The following ATP2C1 variants were observed in gnomAD, a reference collection of about 807,000 sequenced individuals.
ATP2C1 encodes ATPase secretory pathway Ca2+ transporting 1.
ATP2C1 carries 31 observed loss-of-function variants against 120.5 expected under a neutral mutation model. The ratio of observed to expected loss-of-function variants is 0.26; its 90% CI spans 0.19 to 0.35. The LOEUF is 0.35. Among genes scored for constraint, ATP2C1 ranks in the 10% least tolerant of loss-of-function variants. The pLI, the probability that ATP2C1 is intolerant of heterozygous loss-of-function variation, is 1.00. For missense variants in ATP2C1, 731 were observed against 1,107.5 expected, an observed-to-expected ratio of 0.66 and a Z score of 4.83; for synonymous variants, 351 against 358.7, an observed-to-expected ratio of 0.98 and a Z score of 0.24.
At chr3:130,919,159 G>C (rs2058826912) in intron 2 of ATP2C1, 1 of 268,494 alleles carries the variant, frequency 3.7e-6, no homozygotes, top group Admixed American at 5.0e-5. Context: ...GGCGGAGCTA[G>C]AGAGGCTGGG....
At chr3:130,938,603 C>A (rs2059768050) in intron 6 of ATP2C1, among the ~76,000 whole-genome samples, 1 of 152,282 alleles carries the variant, frequency 6.6e-6, no homozygotes, top group African/African-American at 2.4e-5. Flanking sequence ...TATCAGGGTT[C>A]CGCTTTTAGG....
intron 2 of ATP2C1, among the ~76,000 whole-genome samples, chr3:130,909,187 C>G (rs935242871): frequency 4.5e-4 from 68 of 152,164 alleles, no homozygotes; most frequent in African/African-American, 1.6e-3. Flanking sequence ...CTTAGTACCA[C>G]AGGCAGTAAG....
chr3:130,967,081 T>C, intron 14 of ATP2C1, 64 bp from the exon 15 acceptor site: 2 of 1,241,916 alleles, frequency 1.6e-6, no homozygotes, highest in Non-Finnish European at 1.2e-6. Context: ...TTGGGTTTTA[T>C]AGGTCTTGTC....
intron 2 of ATP2C1, among the ~76,000 whole-genome samples, chr3:130,915,474 T>C (rs1292722116): frequency 6.6e-6 from 1 of 152,210 alleles, no homozygotes; most frequent in Non-Finnish European, 1.5e-5. Flanking sequence ...AAAAGTCTGT[T>C]ACTTAGCTTA....
intron 26 of ATP2C1, chr3:131,014,248 C>T (rs145217678): frequency 2.8e-4 from 449 of 1,613,522 alleles, no homozygotes; most frequent in Admixed American, 1.2e-3. Flanking sequence ...AATATTTCAG[C>T]GGGGGCATAT....
intron 2 of ATP2C1, among the ~76,000 whole-genome samples, chr3:130,905,347 T>C (rs981209565): frequency 1.3e-5 from 2 of 152,006 alleles, no homozygotes; most frequent in African/African-American, 2.4e-5. Context: ...ATAGGGTCCA[T>C]TTTGGTCTTT....
intron 5 of ATP2C1, among the ~76,000 whole-genome samples, chr3:130,934,934 A>G (rs1013760802): frequency 6.6e-6 from 1 of 152,114 alleles, no homozygotes; most frequent in African/African-American, 2.4e-5. Flanking sequence ...CCTGGGCTCA[A>G]GCTGTTTTCT....
At chr3:130,974,808 T>C (rs568839601) in intron 17 of ATP2C1, among the ~76,000 whole-genome samples, 45 of 152,300 alleles carry the variant, frequency 3.0e-4, no homozygotes, top group African/African-American at 1.1e-3. Context: ...AAAATTATTT[T>C]GCTTCCATGG....
At chr3:130,904,912 T>TA (rs2058054989) in intron 2 of ATP2C1, among the ~76,000 whole-genome samples, 1 of 152,114 alleles carries the variant, frequency 6.6e-6, no homozygotes, top group Non-Finnish European at 1.5e-5. Flanking sequence ...CCTTATGGGT[T>TA]AAAATCCAGT....
rs1338848507 is a variant in ATP2C1 at position 130,935,435 on chromosome 3, T to A, written c.324+724T>A. On this transcript the variant is annotated intron_variant, in intron 5 of 27. Coordinates refer to ENST00000510168, the MANE Select transcript of ATP2C1 (RefSeq NM_001378687.1). ...TATTCTAGCTTTCATTGAACTGTTT[T>A]CTCATCTTTTTCCTTCTTGCTCCAT... 3.3e-5 allele frequency among the ~76,000 whole-genome samples: 5 copies of A among 152,248 alleles called. 1 individual carries two copies. The highest frequency in any genetic ancestry group is 3.3e-4 in the Admixed American group (5 of 15,284).
chr3:130,997,131 G>A (rs1348580525), intron 24 of ATP2C1, among the ~76,000 whole-genome samples: 1 of 151,970 alleles, frequency 6.6e-6, no homozygotes. Context: ...TATTATCTAG[G>A]TTCTACTGTC....
downstream of ATP2C1, among the ~76,000 whole-genome samples, chr3:131,007,890 C>T (rs920511132): frequency 6.6e-6 from 1 of 152,170 alleles, no homozygotes; most frequent in Admixed American, 6.5e-5. Flanking sequence ...AAAGACATGA[C>T]AAACTTTACA....
intron 22 of ATP2C1, among the ~76,000 whole-genome samples, chr3:130,995,052 A>G (rs2062541285): frequency 6.6e-6 from 1 of 152,166 alleles, no homozygotes; most frequent in Non-Finnish European, 1.5e-5. Context: ...GATTCCTGAC[A>G]TGCATTAGTT....
At chr3:130,868,287 G>A (rs2068278385) in intron 1 of ATP2C1, 2 of 140,882 alleles carry the variant, frequency 1.4e-5, no homozygotes, top group South Asian at 4.6e-4. Context: ...CCCTGTCCGG[G>A]AGGTGAGGGG....
intron 17 of ATP2C1, among the ~76,000 whole-genome samples, chr3:130,971,415 A>G (rs1037706656): frequency 6.6e-6 from 1 of 152,174 alleles, no homozygotes; most frequent in African/African-American, 2.4e-5. Context: ...ACAAAACCCA[A>G]CCCACAGATG....
intron 21 of ATP2C1, 133 bp from the exon 22 acceptor site, chr3:130,993,799 A>G: frequency 1.1e-6 from 1 of 918,006 alleles, no homozygotes; most frequent in South Asian, 1.4e-5. Context: ...AAGTTCATTG[A>G]ACAATGGGTG....
At position 131,001,507 on chromosome 3, in the gene ATP2C1, G is replaced by T; in HGVS notation, c.*157G>T. ...AAAGACTTAAGACTTTAACCTGCTG[G>T]CAGTCCCAAATGAAATTATGCAACT... is the stretch of plus-strand genomic sequence containing the variant. On this transcript the variant is annotated 3_prime_UTR_variant, in exon 28 of 28. Transcript: ENST00000510168. The T allele has an allele frequency of 1.5e-6, 2 of 1,315,444 alleles. No individual in the cohort carries two copies. Among genetic ancestry groups the T allele is most frequent in the Admixed American group, 3.5e-5 (1 of 28,392 alleles). 81.5% of individuals were successfully genotyped at this position (1,315,444 alleles called of 1,614,324 possible). A position where few individuals can be genotyped will look rare whatever the true frequency, so the allele number is the denominator to read the frequency against.
intron 1 of ATP2C1, among the ~76,000 whole-genome samples, chr3:130,858,073 C>T (rs781755260): frequency 2.7e-4 from 41 of 152,120 alleles, no homozygotes; most frequent in African/African-American, 8.9e-4. Flanking sequence ...AGATGAAGGC[C>T]GGAAGACTCA....
chr3:130,926,491 A>G (rs1446000413), intron 2 of ATP2C1, among the ~76,000 whole-genome samples: 3 of 152,236 alleles, frequency 2.0e-5, no homozygotes, highest in Non-Finnish European at 4.4e-5. Flanking sequence ...GTGTTAATAT[A>G]TGGGATAACC....
Sources: gnomAD v4.1 joint callset for allele counts (sites outside exome capture counted in the v4.1 genomes callset) on GRCh38, gnomAD v4.1.1 for gene constraint, MANE v1.5 for transcripts, NCBI Gene and HGNC (gene_info 2026-07-23, HGNC 2026-07-21) for gene names.